Variants in ELN observed in about 807,000 individuals in gnomAD.
ELN encodes the protein elastin.
In ELN, 65 loss-of-function variants were observed where a neutral mutation model predicts 105.8. The observed-to-expected ratio is 0.61, with a 90% CI of 0.50 to 0.75. The LOEUF is 0.75. ELN is among the 30% of genes least tolerant of loss of function. ELN has a pLI of 0.00. For missense variants in ELN, 882 were observed against 969.4 expected (o/e 0.91, Z 1.20); for synonymous variants, 368 against 389.2 (o/e 0.95, Z 0.64).
chr7:74,043,394 G>A (rs528845390), intron 8 of ELN: 7 of 741,422 alleles, frequency 9.4e-6, no homozygotes, highest in East Asian at 5.4e-5. Flanking sequence ...AGAAAGAGAC[G>A]GGCTCTGTGG....
At chr7:74,035,259 A>C (rs1387139208) in intron 1 of ELN, 105 bp from the exon 2 acceptor site, 4 of 1,065,414 alleles carry the variant, frequency 3.8e-6, no homozygotes, top group Non-Finnish European at 5.8e-6. Flanking sequence ...TTTCCATGTA[A>C]TTGTGGGTTT....
intron 17 of ELN, chr7:74,052,521 G>C (rs1336666631): frequency 5.3e-6 from 1 of 189,294 alleles, no homozygotes; most frequent in Admixed American, 5.3e-5. Flanking sequence ...GTAGTTCAAG[G>C]CTGCAGTGAG....
At chr7:74,037,869 A>G in intron 4 of ELN, 130 bp downstream of exon 4, 1 of 1,369,070 alleles carries the variant, frequency 7.3e-7, no homozygotes, top group South Asian at 1.2e-5. Context: ...GGAAGGAGGG[A>G]GGTGTGGACA....
chr7:74,036,680 G>T (rs1790030690), intron 3 of ELN, 96 bp downstream of exon 3: 1 of 1,547,666 alleles, frequency 6.5e-7, no homozygotes, highest in Non-Finnish European at 8.9e-7. Flanking sequence ...GGAGACCCGA[G>T]CATCAAGGAC....
At chr7:74,046,520 G>GCCTGT (rs1428367593) in intron 11 of ELN, 176 bp from the exon 12 acceptor site, 1 of 758,542 alleles carries the variant, frequency 1.3e-6, no homozygotes, top group Non-Finnish European at 2.2e-6. Flanking sequence ...GGAGGAAGTG[G>GCCTGT]CCTGTCACTG....
chr7:74,066,086 C>G, intron 31 of ELN, 89 bp downstream of exon 31: 1 of 1,580,302 alleles, frequency 6.3e-7, no homozygotes, highest in Non-Finnish European at 8.7e-7. Flanking sequence ...CTCCCAGAGC[C>G]CATGTCCACA....
rs200180992 is a variant in ELN at position 74,056,352 on chromosome 7, T to C, written c.1232T>C (p.Val411Ala). ...AGGFPGFGVG[V>A]GGIPGVAGVP... Reference sequence around the variant, plus strand: ...GGCTTTCCCGGCTTTGGTGTCGGAGTCGGAGGTATCCCTGGAGTCGCAGGT... The same window carrying C: ...GGCTTTCCCGGCTTTGGTGTCGGAGCCGGAGGTATCCCTGGAGTCGCAGGT... The change falls in exon 20 of 33, where the codon GTC (valine) becomes GCC (alanine). Residue 411 changes from valine (V) to alanine (A), a missense_variant. Coordinates refer to ENST00000252034, the MANE Select transcript of ELN (RefSeq NM_000501.4). 4 of 1,612,966 alleles carry C rather than the reference T, an allele frequency of 2.5e-6. No individual in the cohort carries two copies. The East Asian group carries it at 8.9e-5, about 36-fold the overall frequency.
At chr7:74,044,065 G>A (rs1791889052) in intron 9 of ELN, 145 bp downstream of exon 9, 1 of 1,123,360 alleles carries the variant, frequency 8.9e-7, no homozygotes, top group Non-Finnish European at 1.3e-6. Context: ...GGGCATCATA[G>A]TAAGGCCCTC....
chr7:74,053,374 T>C (rs1554677627), intron 18 of ELN, 65 bp downstream of exon 18: 1 of 1,573,810 alleles, frequency 6.4e-7, no homozygotes, highest in Non-Finnish European at 8.6e-7. Flanking sequence ...GAGAGAAATA[T>C]TGAGACTATT....
rs202052596 is a variant in ELN, at chr7:74,056,353, C to T, written c.1233C>T (p.Val411=). ...GCTTTCCCGGCTTTGGTGTCGGAGT[C>T]GGAGGTATCCCTGGAGTCGCAGGTG... ...AGGFPGFGVG[V]GGIPGVAGVP... is the part of the protein sequence containing the mutation. The change falls in exon 20 of 33, where the codon GTC becomes GTT. Residue 411 remains valine (V), a synonymous_variant. Coordinates refer to ENST00000252034, the MANE Select transcript of ELN (RefSeq NM_000501.4). The T allele has an allele frequency of 4.5e-5, 73 of 1,613,540 alleles. No homozygotes were observed. Among genetic ancestry groups the T allele is most frequent in the Non-Finnish European group, 5.9e-5 (70 of 1,179,606 alleles).
chr7:74,052,666 G>A (rs1055395813), intron 17 of ELN: 2 of 139,958 alleles, frequency 1.4e-5, no homozygotes, highest in African/African-American at 5.9e-5. Flanking sequence ...AGGAAAGACG[G>A]AAGGAAGGAA....
rs1792613253 is a variant in ELN, at chr7:74,046,694, AGGAGTT to A, written c.574_579del (p.Val192_Gly193del). On this transcript the variant is annotated splice_acceptor_variant and coding_sequence_variant, in exon 12 of 33. Transcript: ENST00000252034. LOFTEE classifies it high-confidence loss of function. ...CTGAACTTGCTCTCTTTATTCCCAC[AGGAGTT>A]GGACCCTTTGGGGGACCGCAACCTG... 2 of 1,614,066 alleles carry A rather than the reference AGGAGTT, an allele frequency of 1.2e-6. No individual in the cohort carries two copies. The highest frequency in any genetic ancestry group is 2.7e-5 in the African/African-American group (2 of 74,940).
chr7:74,046,934 A>C (rs1554672829), intron 12 of ELN, among the ~76,000 whole-genome samples, 167 bp downstream of exon 12: 1 of 152,178 alleles, frequency 6.6e-6, no homozygotes, highest in African/African-American at 2.4e-5. Context: ...AGATACAAAA[A>C]TTAGCCAGGT....
rs991574567 is a variant in ELN, at chr7:74,041,257, T to C, written c.232+6T>C. On this transcript the variant is annotated splice_donor_region_variant and intron_variant, in intron 5 of 32. Transcript: ENST00000252034. ...GGGTGCTGGCCTTGGGGCAGGTGAG[T>C]GCTGACACCCAAGAAAGATATCCCC... is the stretch of plus-strand genomic sequence containing the variant. 6.2e-7 allele frequency: 1 copy of C among 1,613,816 alleles called. No homozygotes were observed. The highest frequency in any genetic ancestry group is 8.5e-7 in the Non-Finnish European group (1 of 1,179,822).
At chr7:74,043,721 A>T (rs1791798149) in intron 8 of ELN, 158 bp from the exon 9 acceptor site, 2 of 846,940 alleles carry the variant, frequency 2.4e-6, no homozygotes, top group South Asian at 2.9e-5. Flanking sequence ...AACTCGTGGG[A>T]GGAGGGTTGT....
chr7:74,040,960 G>A (rs1791065452), intron 4 of ELN, among the ~76,000 whole-genome samples: 1 of 152,168 alleles, frequency 6.6e-6, no homozygotes, highest in Admixed American at 6.5e-5. Flanking sequence ...TAGCCAGCAG[G>A]GCTTCTAGGA....
At chr7:74,034,400 TAACACAGC>T (rs1789444514) in intron 1 of ELN, among the ~76,000 whole-genome samples, 1 of 151,972 alleles carries the variant, frequency 6.6e-6, no homozygotes, top group East Asian at 1.9e-4. Context: ...GAGAACCAGG[TAACACAGC>T]AAGAACAATC....
At chr7:74,029,043 G>A (rs546057088) in intron 1 of ELN, among the ~76,000 whole-genome samples, 5 of 152,294 alleles carry the variant, frequency 3.3e-5, no homozygotes, top group East Asian at 3.9e-4. Flanking sequence ...AGGTGTATGC[G>A]TATGTTTGGA....
chr7:74,063,708 C>A lies in ELN; in HGVS notation c.1993+13C>A. The A allele has an allele frequency of 6.2e-7, 1 of 1,614,108 alleles. No individual in the cohort carries two copies. The highest frequency in any genetic ancestry group is 8.5e-7 in the Non-Finnish European group (1 of 1,180,012). Reference sequence around the variant, plus strand: ...GGGGGCCTTGGAGGTGAGAGTTGTTCTGAAATCAGTGAGTGTGTGTGGTGT... The same window carrying A: ...GGGGGCCTTGGAGGTGAGAGTTGTTATGAAATCAGTGAGTGTGTGTGGTGT... On this transcript the variant is annotated intron_variant, in intron 29 of 32. Transcript: ENST00000252034. This position sits in a 1 kb window ranked among gnomAD's most constrained non-coding sequence, Gnocchi z 4.1.
Sources: gnomAD v4.1 joint callset for allele counts (sites outside exome capture counted in the v4.1 genomes callset) on GRCh38, gnomAD v4.1.1 for gene constraint, Gnocchi (gnomAD v3.1) non-coding constraint, MANE v1.5 for transcripts, NCBI Gene and HGNC (gene_info 2026-07-23, HGNC 2026-07-21) for gene names.